Variants in SEMA3A observed in about 807,000 individuals in gnomAD.
SEMA3A encodes semaphorin-3A.
In SEMA3A, 29 loss-of-function variants were observed where a neutral mutation model predicts 97.9. The ratio of observed to expected loss-of-function variants is 0.30; its 90% CI spans 0.22 to 0.40. SEMA3A has a LOEUF of 0.40. Ranked by LOEUF, SEMA3A falls within the 10% of genes least tolerant of loss-of-function variation. The pLI is 1.00. For missense variants in SEMA3A, 763 were observed against 951.3 expected (o/e 0.80, Z 2.60); for synonymous variants, 321 against 323.7 (o/e 0.99, Z 0.09).
intron 1 of SEMA3A, among the ~76,000 whole-genome samples, chr7:84,378,496 G>C (rs1195949275): frequency 6.6e-6 from 1 of 152,110 alleles, no homozygotes; most frequent in Non-Finnish European, 1.5e-5. Context: ...ACTCATAAGT[G>C]GGAGCTGAAC....
intron 1 of SEMA3A, among the ~76,000 whole-genome samples, chr7:84,391,508 G>T (rs1803575808): frequency 6.6e-6 from 1 of 152,068 alleles, no homozygotes. Flanking sequence ...CTCAGTGATA[G>T]AAGTAAATAT....
chr7:84,099,569 G>C (rs1001960549), intron 4 of SEMA3A, among the ~76,000 whole-genome samples: 2 of 152,042 alleles, frequency 1.3e-5, no homozygotes, highest in African/African-American at 4.8e-5. Flanking sequence ...TGATTTGTAA[G>C]CTCAGGAGTT....
At chr7:84,172,897 T>C (rs1797436660) in intron 1 of SEMA3A, among the ~76,000 whole-genome samples, 1 of 152,222 alleles carries the variant, frequency 6.6e-6, no homozygotes. Context: ...ATAAATTTCT[T>C]TTCCTGACTT....
rs572764563 is a variant in SEMA3A at position 84,189,099 on chromosome 7, G to C, written c.112+5376C>G. Among the ~76,000 whole-genome samples the C allele has an allele frequency of 1.1e-4, 17 of 151,710 alleles. No individual in the cohort carries two copies. The East Asian group carries it at 3.3e-3, about 29-fold the overall frequency. ...ATATAGTGCATTAGAAATCATGAGG[G>C]GTAAAAGTCATCCCAAGAATCACAC... On this transcript the variant is annotated intron_variant, in intron 1 of 16. Coordinates refer to ENST00000265362, the MANE Select transcript of SEMA3A (RefSeq NM_006080.3).
At chr7:84,125,735 A>G (rs1238649611) in intron 3 of SEMA3A, among the ~76,000 whole-genome samples, 1 of 152,176 alleles carries the variant, frequency 6.6e-6, no homozygotes, top group Non-Finnish European at 1.5e-5. Context: ...GAGAGAGAGG[A>G]GAAAGTTCCC....
chr7:84,009,381 T>C (rs1584541120), intron 9 of SEMA3A, among the ~76,000 whole-genome samples: 1 of 152,232 alleles, frequency 6.6e-6, no homozygotes, highest in African/African-American at 2.4e-5. Flanking sequence ...CAAATAGTTT[T>C]AGGAATATGG....
rs557383092 is a variant in SEMA3A, at chr7:84,425,775, AG to A, written c.-245-53876del. On this transcript the variant is annotated intron_variant, in intron 1 of 3. Coordinates refer to the SEMA3A transcript ENST00000424555. ...ATCACAAGGTCCGGAGTTTGAGACA[AG>A]CCTGGCCAATATGGTGAAACCCCGT... is the stretch of plus-strand genomic sequence containing the variant. Among the ~76,000 whole-genome samples the A allele has an allele frequency of 2.4e-3, 361 of 149,018 alleles. 1 individual carries two copies. Among genetic ancestry groups the A allele is most frequent in the African/African-American group, 8.4e-3 (345 of 40,912 alleles).
chr7:84,101,279 G>A (rs1583968409), intron 4 of SEMA3A, among the ~76,000 whole-genome samples: 1 of 51,100 alleles, frequency 2.0e-5, no homozygotes, highest in Admixed American at 2.9e-4. Context: ...GATAACAAGA[G>A]GGGGTTCCAT....
chr7:84,045,954 C>T (rs767153296), intron 6 of SEMA3A, among the ~76,000 whole-genome samples: 3 of 130,738 alleles, frequency 2.3e-5, no homozygotes, highest in Non-Finnish European at 4.9e-5. Context: ...TTCAAGGAAA[C>T]AATAAGAGAT....
intron 1 of SEMA3A, among the ~76,000 whole-genome samples, chr7:84,454,700 A>G (rs1205134884): frequency 6.6e-6 from 1 of 151,990 alleles, no homozygotes; most frequent in African/African-American, 2.4e-5. Flanking sequence ...GAAAACAAAA[A>G]CAAAAACCCT....
rs1035956841 is a variant in SEMA3A, at chr7:84,404,921, T to C, written c.-245-33021A>G. Among the ~76,000 whole-genome samples the C allele has an allele frequency of 6.6e-5, 10 of 152,250 alleles. 2 individuals are homozygous for C. Among genetic ancestry groups the C allele is most frequent in the Admixed American group, 6.5e-5 (1 of 15,282 alleles). On this transcript the variant is annotated intron_variant, in intron 1 of 3. Coordinates refer to the SEMA3A transcript ENST00000424555. ...ACTAAACATGGAAAGGAACAACTGGTACCAGCCACTGCAAAAACATGCCAA... is the reference window on the plus strand; with the variant it reads ...ACTAAACATGGAAAGGAACAACTGGCACCAGCCACTGCAAAAACATGCCAA...
chr7:84,245,040 C>T (rs567130703), intron 3 of SEMA3A, among the ~76,000 whole-genome samples: 6 of 152,108 alleles, frequency 3.9e-5, no homozygotes, highest in African/African-American at 9.6e-5. Context: ...TCATTTCATC[C>T]TTGGTGAATC....
At chr7:84,300,209 T>C (rs1800976088) in intron 3 of SEMA3A, among the ~76,000 whole-genome samples, 1 of 151,588 alleles carries the variant, frequency 6.6e-6, no homozygotes, top group Admixed American at 6.6e-5. Flanking sequence ...TCAAATATCA[T>C]ATTTTTAGGA....
chr7:84,225,222 T>C (rs995209786), intron 3 of SEMA3A, among the ~76,000 whole-genome samples: 1 of 152,122 alleles, frequency 6.6e-6, no homozygotes, highest in Non-Finnish European at 1.5e-5. Context: ...AGATAAACCA[T>C]GATAAAGAGA....
intron 1 of SEMA3A, among the ~76,000 whole-genome samples, chr7:84,182,998 T>C (rs751370871): frequency 6.6e-6 from 1 of 152,134 alleles, no homozygotes; most frequent in Non-Finnish European, 1.5e-5. Flanking sequence ...AGCTAGAGAA[T>C]ACACACAAGT....
At chr7:84,393,301 C>CTT (rs1241490853) in intron 1 of SEMA3A, among the ~76,000 whole-genome samples, 4 of 152,134 alleles carry the variant, frequency 2.6e-5, no homozygotes, top group Non-Finnish European at 5.9e-5. Flanking sequence ...ATTGAAGAGT[C>CTT]TTTTTTCCAT....
At position 84,322,438 on chromosome 7, in the gene SEMA3A, C is replaced by T. The variant is rs150737733; in HGVS notation, c.-168-15146G>A. Reference sequence around the variant, plus strand: ...AATCTCACCTTGAATTGTAATAATCCCCATGTGTCAAGGGCAGGGCCAGGT... The same window carrying T: ...AATCTCACCTTGAATTGTAATAATCTCCATGTGTCAAGGGCAGGGCCAGGT... On this transcript the variant is annotated intron_variant, in intron 2 of 3. Transcript: ENST00000424555. 9.6e-3 allele frequency among the ~76,000 whole-genome samples: 1,456 copies of T among 151,876 alleles called. 5 individuals carry two copies. The highest frequency in any genetic ancestry group is 0.015 in the Non-Finnish European group (992 of 67,970).
chr7:84,133,919 G>A lies in SEMA3A; in HGVS notation c.270+875C>T, dbSNP rs562943473. On this transcript the variant is annotated intron_variant, in intron 2 of 16. Transcript: ENST00000265362. ...AAAAAAAAAAAAAAAAAAATTAGCCGGGCGTGGTGGCAGGCACCTGTAGTC... is the reference window on the plus strand; with the variant it reads ...AAAAAAAAAAAAAAAAAAATTAGCCAGGCGTGGTGGCAGGCACCTGTAGTC... 1.1e-3 allele frequency among the ~76,000 whole-genome samples: 167 copies of A among 150,032 alleles called. 1 individual carries two copies. The highest frequency in any genetic ancestry group is 2.0e-3 in the Non-Finnish European group (133 of 67,508).
intron 4 of SEMA3A, among the ~76,000 whole-genome samples, chr7:84,066,189 A>T (rs908458154): frequency 2.6e-5 from 4 of 152,010 alleles, no homozygotes; most frequent in Admixed American, 2.6e-4. Context: ...ATCGCAATAG[A>T]TGCAGAAAAA....
Sources: gnomAD v4.1 joint callset for allele counts (sites outside exome capture counted in the v4.1 genomes callset) on GRCh38, gnomAD v4.1.1 for gene constraint, MANE v1.5 for transcripts, NCBI Gene and HGNC (gene_info 2026-07-23, HGNC 2026-07-21) for gene names.